BACE2: variants seen among roughly 807,000 people sequenced by gnomAD.
BACE2 encodes 56 kDa aspartic-like protease.
A neutral mutation model predicts 46.2 loss-of-function variants in BACE2; 17 were observed. The ratio of observed to expected loss-of-function variants is 0.37; its 90% CI spans 0.25 to 0.55. BACE2 has a LOEUF of 0.55. Among genes scored for constraint, BACE2 ranks in the 20% least tolerant of loss-of-function variants. The pLI is 0.82. For synonymous variants in BACE2, 277 were observed against 295.9 expected, an observed-to-expected ratio of 0.94 and a Z score of 0.66; for missense variants, 595 against 698.1, an observed-to-expected ratio of 0.85 and a Z score of 1.66.
At chr21:41,191,531 A>T (rs1985569551) in intron 1 of BACE2, among the ~76,000 whole-genome samples, 1 of 152,200 alleles carries the variant, frequency 6.6e-6, no homozygotes, top group Non-Finnish European at 1.5e-5. Flanking sequence ...ATGATGGAAG[A>T]GTTCCAATAT....
chr21:41,208,029 C>T (rs777715396), intron 1 of BACE2, among the ~76,000 whole-genome samples: 8 of 152,180 alleles, frequency 5.3e-5, no homozygotes, highest in Non-Finnish European at 1.0e-4. Context: ...AAACCAAGCT[C>T]ATACCGCTAG....
rs748752175 is a variant in BACE2 at position 41,250,706 on chromosome 21, C to T, written c.985-46C>T. 178 of 1,594,704 alleles carry T rather than the reference C, an allele frequency of 1.1e-4. 4 individuals are homozygous for T. In the South Asian group the frequency reaches 1.6e-3, roughly 15 times the overall value. On this transcript the variant is annotated intron_variant, in intron 6 of 8. Coordinates refer to ENST00000330333, the MANE Select transcript of BACE2 (RefSeq NM_012105.5). Reference sequence around the variant, plus strand: ...AAAGCCTGGAGCTGTTTCCTGTTGACGTGCCAGACTAGTCATGGTTTCTGA... The same window carrying T: ...AAAGCCTGGAGCTGTTTCCTGTTGATGTGCCAGACTAGTCATGGTTTCTGA...
chr21:41,206,377 T>C (rs1986123755), intron 1 of BACE2, among the ~76,000 whole-genome samples: 1 of 152,154 alleles, frequency 6.6e-6, no homozygotes, highest in Admixed American at 6.5e-5. Flanking sequence ...TAGCACCACC[T>C]TGGGGATTAG....
rs939745622 is a variant in BACE2 at position 41,196,878 on chromosome 21, C to T, written c.312+28303C>T. ...AGCTCAGTGAGCACAACTGGTGCTT[C>T]CTCGAATGTTCTTTTGCTTGCACCC... On this transcript the variant is annotated intron_variant, in intron 1 of 8. Coordinates refer to ENST00000330333, the MANE Select transcript of BACE2 (RefSeq NM_012105.5). Among the ~76,000 whole-genome samples, 7 of 152,148 alleles carry T rather than the reference C, an allele frequency of 4.6e-5. No individual in the cohort carries two copies. The East Asian group carries it at 1.2e-3, about 25-fold the overall frequency.
chr21:41,250,239 A>G (rs1375384267), intron 6 of BACE2, among the ~76,000 whole-genome samples: 1 of 152,146 alleles, frequency 6.6e-6, no homozygotes, highest in African/African-American at 2.4e-5. Flanking sequence ...GATCTGGAGG[A>G]GGAGAAAAAT....
intron 1 of BACE2, among the ~76,000 whole-genome samples, chr21:41,216,722 T>C (rs1028864475): frequency 1.3e-5 from 2 of 152,164 alleles, no homozygotes; most frequent in African/African-American, 4.8e-5. Context: ...GGAGGGCAAG[T>C]CTTGTTCCTG....
chr21:41,263,452 A>G (rs1385853188), intron 8 of BACE2, among the ~76,000 whole-genome samples: 2 of 152,268 alleles, frequency 1.3e-5, no homozygotes, highest in East Asian at 3.8e-4. Context: ...ACCAAAGGAA[A>G]ACAGATGAAC....
rs939127192 is a variant in BACE2 at position 41,280,713 on chromosome 21, C to G, written c.*5089C>G. The G allele has an allele frequency of 6.6e-6, 1 of 152,254 alleles. No individual in the cohort carries two copies. The highest frequency in any genetic ancestry group is 2.4e-5 in the African/African-American group (1 of 41,468). The allele number at this position is 152,254 out of a possible 1,614,324, so 9.4% of individuals were successfully genotyped here. ...AGTGCTGCCAGCGAACCTCAGGTTG[C>G]ATCAGTGGCTGGAATCTATCACAGC... On this transcript the variant is annotated 3_prime_UTR_variant, in exon 9 of 9. Coordinates refer to ENST00000330333, the MANE Select transcript of BACE2 (RefSeq NM_012105.5).
intron 1 of BACE2, among the ~76,000 whole-genome samples, chr21:41,188,938 T>G (rs1007305255): frequency 6.6e-6 from 1 of 152,188 alleles, no homozygotes; most frequent in African/African-American, 2.4e-5. Context: ...AGCCCTGTAA[T>G]TGCATCAGAG....
chr21:41,176,305 C>T (rs1984836753), intron 1 of BACE2: 1 of 152,176 alleles, frequency 6.6e-6, no homozygotes, highest in African/African-American at 2.4e-5. Flanking sequence ...ACAGGTCACA[C>T]TTGGAGTCGT....
Position 41,237,440 on chromosome 21 carries a change from C to T in BACE2, c.402-73C>T, listed in dbSNP as rs185843440. The T allele has an allele frequency of 1.6e-4, 185 of 1,142,684 alleles. 1 individual carries two copies. In the African/African-American group the frequency reaches 2.3e-3, roughly 14 times the overall value. The allele number at this position is 1,142,684 out of a possible 1,614,324, so 70.8% of individuals were successfully genotyped here. ...CAGCCTGGGTGACAGAGCAAGACTCCGTCTCAAAAATAAATAAATAAAAAT... is the reference window on the plus strand; with the variant it reads ...CAGCCTGGGTGACAGAGCAAGACTCTGTCTCAAAAATAAATAAATAAAAAT... On this transcript the variant is annotated intron_variant, in intron 2 of 8. Coordinates refer to ENST00000330333, the MANE Select transcript of BACE2 (RefSeq NM_012105.5).
intron 6 of BACE2, among the ~76,000 whole-genome samples, chr21:41,249,645 C>G (rs1396558097): frequency 6.6e-6 from 1 of 152,222 alleles, no homozygotes; most frequent in Non-Finnish European, 1.5e-5. Context: ...CTGCTTGGCC[C>G]TCCAGCCCAG....
At chr21:41,181,642 C>G (rs1376981638) in intron 1 of BACE2, 1 of 167,016 alleles carries the variant, frequency 6.0e-6, no homozygotes, top group African/African-American at 2.4e-5. Flanking sequence ...GATATAGATG[C>G]CCAACTTCCC....
intron 4 of BACE2, among the ~76,000 whole-genome samples, chr21:41,242,975 C>T (rs968371936): frequency 2.0e-5 from 3 of 152,056 alleles, no homozygotes; most frequent in South Asian, 2.1e-4. Context: ...AGTGCAGTGA[C>T]GCGATCTCAG....
intron 7 of BACE2, among the ~76,000 whole-genome samples, chr21:41,253,825 G>A (rs1987705777): frequency 6.6e-6 from 1 of 152,156 alleles, no homozygotes; most frequent in African/African-American, 2.4e-5. Flanking sequence ...TTTTTTGGTT[G>A]TCTTTGACAT....
Position 41,237,710 on chromosome 21 carries a change from C to T in BACE2, c.599C>T (p.Ala200Val), listed in dbSNP as rs1432365556. Reference protein sequence around the residue: ...GIKWNGILGLAYATLAKPSSS... With the variant: ...GIKWNGILGLVYATLAKPSSS... ...AAATGGAATGGAATACTTGGCCTAGCTTATGCCACACTTGCCAAGGTAAGG... is the reference window on the plus strand; with the variant it reads ...AAATGGAATGGAATACTTGGCCTAGTTTATGCCACACTTGCCAAGGTAAGG... The change falls in exon 3 of 9, where the codon GCT becomes GTT. Residue 200 changes from alanine to valine, a missense_variant. By Grantham distance (64) the Ala-to-Val change is moderately conservative. This residue lies in a region of BACE2 where 343 missense variants were observed against 419.4 expected (regional missense o/e 0.82). Coordinates refer to ENST00000330333, the MANE Select transcript of BACE2 (RefSeq NM_012105.5). The T allele has an allele frequency of 9.9e-6, 16 of 1,613,852 alleles. No individual in the cohort carries two copies. The highest frequency in any genetic ancestry group is 1.4e-5 in the Non-Finnish European group (16 of 1,179,728).
chr21:41,274,789 G>C (rs1568896572), intron 8 of BACE2, among the ~76,000 whole-genome samples: 1 of 152,114 alleles, frequency 6.6e-6, no homozygotes, highest in Non-Finnish European at 1.5e-5. Flanking sequence ...GGCAGGGAGG[G>C]TCTCTCAAGC....
At chr21:41,194,427 CT>C (rs1323521048) in intron 1 of BACE2, among the ~76,000 whole-genome samples, 1 of 152,174 alleles carries the variant, frequency 6.6e-6, no homozygotes, top group Non-Finnish European at 1.5e-5. Flanking sequence ...TGGCCTGAAG[CT>C]TTTTGCTGTA....
intron 1 of BACE2, among the ~76,000 whole-genome samples, chr21:41,190,574 C>T (rs905167319): frequency 1.3e-5 from 2 of 152,190 alleles, no homozygotes; most frequent in Non-Finnish European, 2.9e-5. Context: ...TCTTCTACTA[C>T]CCATTCTGTA....
Sources: gnomAD v4.1 joint callset for allele counts (sites outside exome capture counted in the v4.1 genomes callset) on GRCh38, gnomAD v4.1.1 for gene constraint, gnomAD v4.1.1 regional missense constraint, MANE v1.5 for transcripts, NCBI Gene and HGNC (gene_info 2026-07-23, HGNC 2026-07-21) for gene names.